COL23A1: variants seen among roughly 807,000 people sequenced by gnomAD.
The protein encoded by COL23A1 is collagen alpha-1(XXIII) chain.
Under a neutral mutation model 99.3 loss-of-function variants are expected in COL23A1, and 97 were observed. That is an observed-to-expected ratio of 0.98 (90% CI 0.83 to 1.16). The LOEUF (loss-of-function observed/expected upper bound fraction) is 1.16. COL23A1 is among the 50% of genes most tolerant of loss of function. COL23A1 has a pLI of 0.00. For missense variants in COL23A1, 762 were observed against 757.4 expected (o/e 1.01, Z -0.07); for synonymous variants, 320 against 308.2 (o/e 1.04, Z -0.40).
chr5:178,441,807 C>T (rs1459837276), intron 2 of COL23A1, among the ~76,000 whole-genome samples: 2 of 152,126 alleles, frequency 1.3e-5, no homozygotes, highest in East Asian at 3.9e-4. Context: ...ACATTCTGTG[C>T]CATTTGCCCA....
At chr5:178,288,780 T>G (rs1466627608) in intron 4 of COL23A1, among the ~76,000 whole-genome samples, 1 of 149,218 alleles carries the variant, frequency 6.7e-6, no homozygotes, top group Admixed American at 6.8e-5. Flanking sequence ...AAGAGAGCCT[T>G]AGAAGCCAGG....
At chr5:178,476,988 A>G (rs931820961) in intron 2 of COL23A1, among the ~76,000 whole-genome samples, 3 of 152,038 alleles carry the variant, frequency 2.0e-5, no homozygotes, top group African/African-American at 7.3e-5. Flanking sequence ...GTTATTTTCT[A>G]CCTGTGTTAC....
intron 2 of COL23A1, among the ~76,000 whole-genome samples, chr5:178,443,975 G>A (rs1767024576): frequency 6.6e-6 from 1 of 152,132 alleles, no homozygotes; most frequent in Non-Finnish European, 1.5e-5. Context: ...GCTGAGGCAG[G>A]TGGATCGCTT....
chr5:178,492,076 C>T (rs1210348631), intron 2 of COL23A1, among the ~76,000 whole-genome samples: 2 of 152,016 alleles, frequency 1.3e-5, no homozygotes, highest in South Asian at 4.1e-4. Flanking sequence ...TAATACAAAT[C>T]GAATTTAATA....
rs754665338 is a variant in COL23A1 at position 178,313,682 on chromosome 5, A to G, written c.362-6763T>C. On this transcript the variant is annotated intron_variant, in intron 2 of 28. Transcript: ENST00000390654. The surrounding 1 kb of genome is among the most constrained non-coding windows in gnomAD (Gnocchi z 4.2). ...CCCACCACGTGTCGAGTGTCCCTTC[A>G]GACCTGGTCCTTCTCAACACCACTG... is the stretch of plus-strand genomic sequence containing the variant. Among the ~76,000 whole-genome samples the G allele has an allele frequency of 6.6e-6, 1 of 152,182 alleles. No individual in the cohort carries two copies. Among genetic ancestry groups the G allele is most frequent in the Non-Finnish European group, 1.5e-5 (1 of 68,028 alleles).
chr5:178,508,015 T>TTTC (rs57811121), intron 2 of COL23A1, among the ~76,000 whole-genome samples: 5,721 of 150,630 alleles, frequency 0.038, 120 homozygotes, highest in Middle Eastern at 0.075. Context: ...CTTTTTATTT[T>TTTC]TTCTTCTTCT....
At chr5:178,440,440 T>A (rs1436353698) in intron 2 of COL23A1, among the ~76,000 whole-genome samples, 1 of 152,228 alleles carries the variant, frequency 6.6e-6, no homozygotes, top group Non-Finnish European at 1.5e-5. Context: ...ACCGCTAGGA[T>A]AATGCTTAGC....
intron 2 of COL23A1, among the ~76,000 whole-genome samples, chr5:178,339,594 A>G (rs900624500): frequency 3.3e-5 from 5 of 152,186 alleles, no homozygotes; most frequent in African/African-American, 1.2e-4. Flanking sequence ...GCCAGCTAGC[A>G]TGTGTGGGGG....
intron 5 of COL23A1, among the ~76,000 whole-genome samples, chr5:178,276,311 C>T (rs932362574): frequency 2.6e-5 from 4 of 152,302 alleles, no homozygotes; most frequent in East Asian, 1.9e-4. Flanking sequence ...CAGGAGTAAA[C>T]GCTCAAATCG....
intron 1 of COL23A1, among the ~76,000 whole-genome samples, chr5:178,577,251 C>T (rs1763421811): frequency 6.6e-6 from 1 of 152,186 alleles, no homozygotes; most frequent in Non-Finnish European, 1.5e-5. Context: ...TTCCCGAGCC[C>T]TCTCCCTGCG....
chr5:178,513,991 T>G (rs1334263867), intron 2 of COL23A1, among the ~76,000 whole-genome samples: 1 of 152,142 alleles, frequency 6.6e-6, no homozygotes, highest in Non-Finnish European at 1.5e-5. Flanking sequence ...ATCACCACCA[T>G]CCATCCATCC....
chr5:178,346,308 A>T (rs923223088), intron 2 of COL23A1, among the ~76,000 whole-genome samples: 3 of 152,088 alleles, frequency 2.0e-5, no homozygotes, highest in African/African-American at 7.2e-5. Flanking sequence ...ATCTCGGCTC[A>T]CTGCAACCTC....
In COL23A1 at chr5:178,488,457, C is replaced by G. The variant is rs12515208; in HGVS notation, c.361+72225G>C. On this transcript the variant is annotated intron_variant, in intron 2 of 28. Coordinates refer to ENST00000390654, the MANE Select transcript of COL23A1 (RefSeq NM_173465.4). ...GTGGCACATGAAGATTTCTAGTGAT[C>G]TCTCCAGGCAGAATACAGTATTCCT... Among the ~76,000 whole-genome samples, 2,173 of 152,240 alleles carry G rather than the reference C, an allele frequency of 0.014. 146 individuals carry two copies. The East Asian group carries it at 0.2, about 14-fold the overall frequency.
chr5:178,260,980 G>A (rs1021839239), intron 11 of COL23A1, among the ~76,000 whole-genome samples: 32 of 150,128 alleles, frequency 2.1e-4, no homozygotes, highest in Non-Finnish European at 3.5e-4. Context: ...TGTAAACGAC[G>A]GCATCTGGGT....
chr5:178,362,975 A>AACCCACCCCCACG (rs1762255902), intron 2 of COL23A1, among the ~76,000 whole-genome samples: 3 of 69,240 alleles, frequency 4.3e-5, no homozygotes, highest in Non-Finnish European at 5.8e-5. Flanking sequence ...CCACCCCCAC[A>AACCCACCCCCACG]GCAACCCACC....
chr5:178,360,005 C>T (rs757887313), intron 2 of COL23A1, among the ~76,000 whole-genome samples: 7 of 152,144 alleles, frequency 4.6e-5, no homozygotes, highest in Non-Finnish European at 8.8e-5. Flanking sequence ...GCCAGAGCCT[C>T]GGGTGAGACA....
At chr5:178,403,634 A>T (rs1764592252) in intron 2 of COL23A1, among the ~76,000 whole-genome samples, 1 of 152,218 alleles carries the variant, frequency 6.6e-6, no homozygotes, top group African/African-American at 2.4e-5. Flanking sequence ...AAAGGCCAAG[A>T]TCTTCAGGTA....
At chr5:178,540,124 T>A (rs1761207389) in intron 2 of COL23A1, among the ~76,000 whole-genome samples, 1 of 152,226 alleles carries the variant, frequency 6.6e-6, no homozygotes. Flanking sequence ...GAAACCAGGA[T>A]GCCTGCTATT....
At chr5:178,454,750 G>T (rs1372053004) in intron 2 of COL23A1, among the ~76,000 whole-genome samples, 1 of 152,264 alleles carries the variant, frequency 6.6e-6, no homozygotes, top group Non-Finnish European at 1.5e-5. Flanking sequence ...GCTGAAGAGT[G>T]AATTCCACGC....
Sources: allele counts gnomAD v4.1 joint callset (sites outside exome capture counted in the v4.1 genomes callset), GRCh38; gene constraint gnomAD v4.1.1; non-coding constraint Gnocchi (gnomAD v3.1); transcripts MANE v1.5; gene names NCBI Gene and HGNC (gene_info 2026-07-23, HGNC 2026-07-21).